C19orf81: variants seen among roughly 807,000 people sequenced by gnomAD.
C19orf81 encodes chromosome 19 open reading frame 81, also known as putative uncharacterized protein C19orf81.
A neutral mutation model predicts 22.1 loss-of-function variants in C19orf81; 19 were observed. The ratio of observed to expected loss-of-function variants is 0.86; its 90% CI spans 0.60 to 1.26. C19orf81 has a LOEUF of 1.26. Ranked by LOEUF, C19orf81 falls within the 50% of genes most tolerant of loss-of-function variation. C19orf81 has a pLI of 0.00. For synonymous variants in C19orf81, 108 were observed against 113.1 expected (o/e 0.95, Z 0.29); for missense variants, 287 against 280.7 (o/e 1.02, Z -0.16).
Position 50,649,676 on chromosome 19 carries a change from G to T in C19orf81, c.67+165G>T, listed in dbSNP as rs190817877. ...AGATTCCTGGAGAGCGGCCCCCTTG[G>T]ACCTCAAACTACATTTCCCATGAGC... On this transcript the variant is annotated intron_variant, in intron 1 of 4. Coordinates refer to ENST00000425202, the MANE Select transcript of C19orf81 (RefSeq NM_001195076.2). 510 of 777,656 alleles carry T rather than the reference G, an allele frequency of 6.6e-4. 2 individuals are homozygous for T. In the African/African-American group the frequency reaches 7.9e-3, roughly 12 times the overall value. The allele number at this position is 777,656 out of a possible 1,614,324, so 48.2% of individuals were successfully genotyped here. A position where few individuals can be genotyped will look rare whatever the true frequency, so the allele number is the denominator to read the frequency against.
intron 1 of C19orf81, among the ~76,000 whole-genome samples, chr19:50,655,420 G>A (rs1351239532): frequency 6.6e-6 from 1 of 152,162 alleles, no homozygotes; most frequent in East Asian, 1.9e-4. Flanking sequence ...GGAGGACGAG[G>A]CAGGAGGATC....
intron 1 of C19orf81, among the ~76,000 whole-genome samples, chr19:50,650,139 CT>C (rs1180037161): frequency 6.6e-6 from 1 of 152,172 alleles, no homozygotes; most frequent in Non-Finnish European, 1.5e-5. Context: ...TGCAGTGATC[CT>C]GGCTGTCCCT....
At position 50,656,403 on chromosome 19, in the gene C19orf81, C is replaced by T. The variant is rs1051518787; in HGVS notation, c.261+57C>T. ...AGTTTTGGTGGGGTGATGGGAAGGG[C>T]ACAGGCTGAGAAGCAGTGTGGCCAG... On this transcript the variant is annotated intron_variant, in intron 3 of 4. Coordinates refer to ENST00000425202, the MANE Select transcript of C19orf81 (RefSeq NM_001195076.2). 10 of 1,493,600 alleles carry T rather than the reference C, an allele frequency of 6.7e-6. No individual in the cohort carries two copies. The East Asian group carries it at 2.0e-4, about 30-fold the overall frequency. 92.5% of individuals were successfully genotyped at this position (1,493,600 alleles called of 1,614,324 possible). A position where few individuals can be genotyped will look rare whatever the true frequency, so the allele number is the denominator to read the frequency against.
rs1479036211 is a variant in C19orf81 at position 50,656,050 on chromosome 19, G to A, written c.68G>A (p.Gly23Glu). ...CTGACACTGGGTTCTCTGTCCTCAGGAGCCCTCCTTATGGACCTGGAGACC... is the reference window on the plus strand; with the variant it reads ...CTGACACTGGGTTCTCTGTCCTCAGAAGCCCTCCTTATGGACCTGGAGACC... The part of the protein sequence containing the change: ...MGSPTMHRKA[G>E]ALLMDLETPE... The change falls in exon 2 of 5, where the codon GGA becomes GAA. Residue 23 changes from glycine to glutamate, a missense_variant and splice_region_variant. Gly to Glu is a moderately conservative substitution (Grantham distance 98, BLOSUM62 -2). Transcript: ENST00000425202. 2 of 1,536,090 alleles carry A rather than the reference G, an allele frequency of 1.3e-6. No homozygotes were observed. Among genetic ancestry groups the A allele is most frequent in the South Asian group, 1.2e-5 (1 of 84,050 alleles).
At chr19:50,649,651 A>G in intron 1 of C19orf81, 140 bp downstream of exon 1, 1 of 954,284 alleles carries the variant, frequency 1.0e-6, no homozygotes, top group South Asian at 1.4e-5. Flanking sequence ...TGGATTCACC[A>G]GATTCCTGGA....
chr19:50,658,146 G>A lies in C19orf81; in HGVS notation c.401+18G>A, dbSNP rs1031293412. Reference sequence around the variant, plus strand: ...CGGAACCGGTGAGTAAGCGGCGGGGGCGGGGCCTGGAGCGAGCGGGAGGGG... The same window carrying A: ...CGGAACCGGTGAGTAAGCGGCGGGGACGGGGCCTGGAGCGAGCGGGAGGGG... On this transcript the variant is annotated intron_variant, in intron 4 of 4. Transcript: ENST00000425202. 19 of 1,530,300 alleles carry A rather than the reference G, an allele frequency of 1.2e-5. No homozygotes were observed. The highest frequency in any genetic ancestry group is 1.9e-4 in the Middle Eastern group (1 of 5,404). 94.8% of individuals were successfully genotyped at this position (1,530,300 alleles called of 1,614,324 possible).
At chr19:50,658,921 C>CT (rs1568422370) in intron 4 of C19orf81, 26 bp from the exon 5 acceptor site, 2 of 1,417,538 alleles carry the variant, frequency 1.4e-6, no homozygotes, top group Non-Finnish European at 1.9e-6. Flanking sequence ...CTGCGAGTTC[C>CT]TTTTCCGTCC....
rs1599829521 is a variant in C19orf81 at position 50,656,246 on chromosome 19, T to A, written c.161T>A (p.Val54Asp). 6.5e-7 allele frequency: 1 copy of A among 1,535,994 alleles called. No homozygotes were observed. ...IKSSKQYLRQ[V>D]IAEYEALDRE... The stretch of plus-strand genomic sequence containing the variant: ...CCTAGAAAGCAGTACCTGCGGCAGG[T>A]CATTGCAGAGTACGAGGCACTGGAC... Residue 54 changes from valine to aspartate, a missense_variant, in exon 3 of 5, where the codon GTC becomes GAC. Transcript: ENST00000425202.
chr19:50,656,823 G>A (rs528065954), intron 3 of C19orf81, among the ~76,000 whole-genome samples: 5 of 152,104 alleles, frequency 3.3e-5, no homozygotes, highest in Non-Finnish European at 7.4e-5. Flanking sequence ...GTGGTGGCAG[G>A]TGGCTGGAAT....
chr19:50,658,495 A>G (rs542163456), intron 4 of C19orf81: 97 of 267,164 alleles, frequency 3.6e-4, no homozygotes, highest in African/African-American at 2.0e-3. Context: ...GATCAGAGAG[A>G]AGGAGGGATC....
chr19:50,652,804 G>T (rs1984904900), intron 1 of C19orf81, among the ~76,000 whole-genome samples: 2 of 152,170 alleles, frequency 1.3e-5, no homozygotes, highest in African/African-American at 4.8e-5. Flanking sequence ...TAACTGGAGA[G>T]CGAGAGGAGT....
rs1408220864 is a variant in C19orf81 at position 50,657,584 on chromosome 19, A to G, written c.262-405A>G. On this transcript the variant is annotated intron_variant, in intron 3 of 4. Transcript: ENST00000425202. ...ACATTCTTAAAATGCTAATACGAATATAAAAGGAAAGGTGTGTAACTTAAA... is the reference window on the plus strand; with the variant it reads ...ACATTCTTAAAATGCTAATACGAATGTAAAAGGAAAGGTGTGTAACTTAAA... Among the ~76,000 whole-genome samples the G allele has an allele frequency of 4.0e-5, 6 of 150,690 alleles. 1 individual carries two copies. The highest frequency in any genetic ancestry group is 5.9e-5 in the Non-Finnish European group (4 of 68,044).
At chr19:50,654,254 CCTCT>C (rs1410520095) in intron 1 of C19orf81, among the ~76,000 whole-genome samples, 1 of 152,066 alleles carries the variant, frequency 6.6e-6, no homozygotes, top group Admixed American at 6.6e-5. Flanking sequence ...TTGCTCCTTT[CCTCT>C]CTTTCTCCTT....
chr19:50,651,471 T>C (rs537816693), intron 1 of C19orf81, among the ~76,000 whole-genome samples: 2 of 152,302 alleles, frequency 1.3e-5, no homozygotes, highest in African/African-American at 2.4e-5. Flanking sequence ...GAAACACACA[T>C]TGCCCTTTAT....
At chr19:50,652,350 C>T (rs78977164) in intron 1 of C19orf81, among the ~76,000 whole-genome samples, 3,728 of 152,248 alleles carry the variant, frequency 0.024, 147 homozygotes, top group African/African-American at 0.084. Context: ...ACACAAGTCC[C>T]TGCCCTTACG....
chr19:50,658,178 C>G, intron 4 of C19orf81, 50 bp downstream of exon 4: 3 of 1,489,494 alleles, frequency 2.0e-6, no homozygotes, highest in Non-Finnish European at 2.7e-6. Flanking sequence ...GGGGCGGGGC[C>G]CGGGGCGACC....
intron 1 of C19orf81, among the ~76,000 whole-genome samples, chr19:50,654,341 C>T (rs1167032050): frequency 6.6e-6 from 1 of 152,000 alleles, no homozygotes; most frequent in Non-Finnish European, 1.5e-5. Context: ...CTCACTCTGT[C>T]GCCCAGGCTG....
rs187121261 is a variant in C19orf81, at chr19:50,655,507, G to A, written c.68-543G>A. Among the ~76,000 whole-genome samples the A allele has an allele frequency of 3.9e-4, 59 of 152,164 alleles. No individual in the cohort carries two copies. The East Asian group carries it at 9.9e-3, about 25-fold the overall frequency. On this transcript the variant is annotated intron_variant, in intron 1 of 4. Transcript: ENST00000425202. ...CTACTAAAAATACAAAAATTAGCTG[G>A]GCGTGGTAGCGGGTGCCTGTAGTCT... is the stretch of plus-strand genomic sequence containing the variant.
Sources: allele counts gnomAD v4.1 joint callset (sites outside exome capture counted in the v4.1 genomes callset), GRCh38; gene constraint gnomAD v4.1.1; transcripts MANE v1.5; gene names NCBI Gene and HGNC (gene_info 2026-07-23, HGNC 2026-07-21).